Variants in AKAP13 observed in about 807,000 individuals in gnomAD.
AKAP13 encodes A-kinase anchoring protein 13.
AKAP13 carries 80 observed loss-of-function variants against 264.5 expected under a neutral mutation model. The observed-to-expected ratio is 0.30, with a 90% CI of 0.25 to 0.36. The LOEUF (loss-of-function observed/expected upper bound fraction) is 0.36, where lower values mean the gene tolerates loss of function less well. AKAP13 is among the 10% of genes least tolerant of loss of function. AKAP13 has a pLI of 1.00. For synonymous variants in AKAP13, 1,380 were observed against 1,250.2 expected, an observed-to-expected ratio of 1.10 and a Z score of -2.19; for missense variants, 3,712 against 3,435.2, an observed-to-expected ratio of 1.08 and a Z score of -2.01.
intron 1 of AKAP13, among the ~76,000 whole-genome samples, chr15:85,438,546 C>T (rs1371888123): frequency 6.8e-6 from 1 of 147,034 alleles, no homozygotes; most frequent in Non-Finnish European, 1.5e-5. Context: ...CTGGAGGCAT[C>T]ACACTACCTG....
chr15:85,483,037 T>A (rs2075396857), intron 1 of AKAP13, among the ~76,000 whole-genome samples: 1 of 152,232 alleles, frequency 6.6e-6, no homozygotes, highest in African/African-American at 2.4e-5. Context: ...GAAACATGTT[T>A]AGAGGAGTTT....
chr15:85,716,965 G>A (rs1164272842), intron 20 of AKAP13, among the ~76,000 whole-genome samples: 1 of 152,164 alleles, frequency 6.6e-6, no homozygotes, highest in Non-Finnish European at 1.5e-5. Context: ...ACAGTGTATT[G>A]GTTAGGCAAT....
rs149879444 is a variant in AKAP13 at position 85,394,372 on chromosome 15, G to T, written c.-12+13574G>T. On this transcript the variant is annotated intron_variant, in intron 1 of 36. Transcript: ENST00000394518. ...AGACAGGGTGGAATGGTTGGGGAAA[G>T]ACCTGGGTCATGTAATGCAACTTTC... Among the ~76,000 whole-genome samples, 193 of 152,324 alleles carry T rather than the reference G, an allele frequency of 1.3e-3. 1 individual carries two copies. The highest frequency in any genetic ancestry group is 4.4e-3 in the African/African-American group (183 of 41,574).
chr15:85,737,350 G>C (rs892305234), intron 33 of AKAP13, among the ~76,000 whole-genome samples: 8 of 152,088 alleles, frequency 5.3e-5, no homozygotes, highest in African/African-American at 1.9e-4. Context: ...ATAATCTTCA[G>C]ATTACTGCCA....
chr15:85,716,002 C>CT (rs71141478), intron 20 of AKAP13, 79 bp downstream of exon 20: 298,878 of 1,247,232 alleles, frequency 0.24, 5,349 homozygotes, highest in Middle Eastern at 0.29. Context: ...TGACAAAAAG[C>CT]TTTTTTTTTT....
intron 30 of AKAP13, among the ~76,000 whole-genome samples, chr15:85,732,729 T>A (rs768698958): frequency 6.7e-6 from 1 of 150,100 alleles, no homozygotes; most frequent in East Asian, 1.9e-4. Context: ...TACTCATAAC[T>A]GTTAGTAATA....
intron 35 of AKAP13, among the ~76,000 whole-genome samples, chr15:85,742,112 G>A (rs1290951892): frequency 6.6e-6 from 1 of 152,252 alleles, no homozygotes; most frequent in Non-Finnish European, 1.5e-5. Flanking sequence ...GTCTTCTTCT[G>A]CTTTTTGCAT....
intron 3 of AKAP13, among the ~76,000 whole-genome samples, chr15:85,529,505 T>C (rs1320129360): frequency 6.6e-6 from 1 of 152,266 alleles, no homozygotes; most frequent in Non-Finnish European, 1.5e-5. Context: ...CAAATAGTCA[T>C]GTCTCTAGCG....
intron 30 of AKAP13, among the ~76,000 whole-genome samples, chr15:85,731,562 TA>T (rs1251427287): frequency 2.0e-5 from 3 of 152,206 alleles, no homozygotes; most frequent in African/African-American, 4.8e-5. Flanking sequence ...GAGGCGTAAT[TA>T]ATTACTCAGA....
chr15:85,639,769 T>A (rs569183532), intron 9 of AKAP13, among the ~76,000 whole-genome samples: 1 of 152,342 alleles, frequency 6.6e-6, no homozygotes, highest in East Asian at 1.9e-4. Context: ...AACCTGAGGT[T>A]CTCAATTTTG....
intron 2 of AKAP13, among the ~76,000 whole-genome samples, chr15:85,509,780 G>A (rs540048627): frequency 1.3e-5 from 2 of 152,122 alleles, no homozygotes; most frequent in African/African-American, 4.8e-5. Context: ...TTTCTTTGGG[G>A]TTTGCTAGTG....
chr15:85,633,123 C>T (rs2081919449), intron 8 of AKAP13, among the ~76,000 whole-genome samples: 2 of 152,278 alleles, frequency 1.3e-5, no homozygotes, highest in South Asian at 4.1e-4. Context: ...GCCTCGGCCT[C>T]CCAAAGTGCT....
At chr15:85,583,531 A>G (rs912211618) in intron 7 of AKAP13, among the ~76,000 whole-genome samples, 16 of 152,218 alleles carry the variant, frequency 1.1e-4, no homozygotes, top group Admixed American at 7.9e-4. Context: ...AAAAGCCACA[A>G]CAACAAGTCT....
chr15:85,421,359 A>G (rs1313090027), intron 1 of AKAP13, among the ~76,000 whole-genome samples: 2 of 152,240 alleles, frequency 1.3e-5, no homozygotes, highest in Admixed American at 6.5e-5. Context: ...TCCTAACTGA[A>G]TAATTCTCCC....
rs186931211 is a variant in AKAP13, at chr15:85,399,574, A to G, written c.-12+18776A>G. Among the ~76,000 whole-genome samples, 104 of 150,828 alleles carry G rather than the reference A, an allele frequency of 6.9e-4. 1 individual carries two copies. The highest frequency in any genetic ancestry group is 2.3e-3 in the African/African-American group (96 of 41,060). ...AATAAATAAAGTTTTAGATGCCATAAGATAATTACTCATAGAATTACTGGA... is the reference window on the plus strand; with the variant it reads ...AATAAATAAAGTTTTAGATGCCATAGGATAATTACTCATAGAATTACTGGA... On this transcript the variant is annotated intron_variant, in intron 1 of 36. Transcript: ENST00000394518.
chr15:85,690,632 G>T (rs1197123492), intron 16 of AKAP13, among the ~76,000 whole-genome samples: 5 of 152,298 alleles, frequency 3.3e-5, no homozygotes, highest in Middle Eastern at 3.4e-3. Flanking sequence ...ATGAATCATA[G>T]ATCTAGCAAT....
At chr15:85,460,842 G>A (rs1596253299) in intron 1 of AKAP13, among the ~76,000 whole-genome samples, 1 of 152,190 alleles carries the variant, frequency 6.6e-6, no homozygotes, top group Non-Finnish European at 1.5e-5. Flanking sequence ...CAGGGAGAAA[G>A]ATTTTCCCAT....
chr15:85,634,266 C>T (rs1057271715), intron 8 of AKAP13, among the ~76,000 whole-genome samples: 2 of 152,110 alleles, frequency 1.3e-5, no homozygotes, highest in African/African-American at 4.8e-5. Flanking sequence ...TGCCTTATGC[C>T]ACTTAGCATA....
At chr15:85,442,879 A>T (rs181355454) in intron 1 of AKAP13, among the ~76,000 whole-genome samples, 7 of 152,110 alleles carry the variant, frequency 4.6e-5, no homozygotes, top group Non-Finnish European at 7.4e-5. Flanking sequence ...ATGAGCATCT[A>T]TTGTGAGCTA....
Sources: gnomAD v4.1 joint callset for allele counts (sites outside exome capture counted in the v4.1 genomes callset) on GRCh38, gnomAD v4.1.1 for gene constraint, MANE v1.5 for transcripts, NCBI Gene and HGNC (gene_info 2026-07-23, HGNC 2026-07-21) for gene names.